The following BPTF variants were observed in gnomAD, a reference collection of about 807,000 sequenced individuals.
BPTF encodes nucleosome-remodeling factor subunit BPTF.
A neutral mutation model predicts 292.5 loss-of-function variants in BPTF; 18 were observed. The observed-to-expected ratio is 0.06, with a 90% confidence interval of 0.04 to 0.09. The LOEUF (loss-of-function observed/expected upper bound fraction) is 0.09. BPTF is among the 10% of genes least tolerant of loss of function. The probability of loss-of-function intolerance (pLI) is 1.00; values close to 1 mark genes in which losing one functional copy is unlikely to be tolerated. For synonymous variants in BPTF, 1,225 were observed against 1,251.9 expected (o/e 0.98, Z 0.45); for missense variants, 2,726 against 3,498.7 (o/e 0.78, Z 5.57).
At chr17:67,875,054 C>T in intron 4 of BPTF, 34 bp downstream of exon 4, 1 of 1,544,668 alleles carries the variant, frequency 6.5e-7, no homozygotes, top group Non-Finnish European at 8.9e-7. Flanking sequence ...AGAAATATTT[C>T]ATTAGTGTTA....
intron 2 of BPTF, among the ~76,000 whole-genome samples, chr17:67,864,679 A>C (rs1459826420): frequency 5.9e-5 from 9 of 152,212 alleles, no homozygotes; most frequent in Non-Finnish European, 1.0e-4. Context: ...TTCAAGAAGA[A>C]AAATGTTAGG....
At chr17:67,900,144 G>A (rs1030651156) in intron 7 of BPTF, among the ~76,000 whole-genome samples, 6 of 151,974 alleles carry the variant, frequency 3.9e-5, no homozygotes, top group African/African-American at 9.7e-5. Flanking sequence ...TTGCTGTGTC[G>A]CCCAGGCTAG....
At chr17:67,956,411 A>C (rs1485369503) in intron 23 of BPTF, 3 of 150,706 alleles carry the variant, frequency 2.0e-5, no homozygotes, top group Non-Finnish European at 4.4e-5. Context: ...TTGACCTCCC[A>C]GGCTTAAGGG....
intron 2 of BPTF, among the ~76,000 whole-genome samples, chr17:67,863,513 T>C (rs2059208462): frequency 2.0e-5 from 3 of 152,194 alleles, no homozygotes; most frequent in Admixed American, 2.0e-4. Context: ...CTCCATCTCC[T>C]GACCTTGTGA....
rs191427126 is a variant in BPTF, at chr17:67,914,920, G to A, written c.5303+1733G>A. Among the ~76,000 whole-genome samples, 6 of 152,168 alleles carry A rather than the reference G, an allele frequency of 3.9e-5. No homozygotes were observed. In the East Asian group the frequency reaches 9.7e-4, roughly 24 times the overall value. On this transcript the variant is annotated intron_variant, in intron 11 of 27. Coordinates refer to ENST00000306378, the MANE Select transcript of BPTF (RefSeq NM_182641.4). ...CAAATGTATGCTAACGTCTTAATTT[G>A]CCAAAACATATTTGAGAGAAGCATA...
intron 7 of BPTF, among the ~76,000 whole-genome samples, chr17:67,895,292 C>G (rs896316519): frequency 2.2e-5 from 3 of 138,440 alleles, no homozygotes; most frequent in African/African-American, 8.3e-5. Flanking sequence ...GAGATTGCAC[C>G]ACTGCACTCC....
intron 18 of BPTF, among the ~76,000 whole-genome samples, chr17:67,938,942 A>G (rs1278424442): frequency 6.6e-6 from 1 of 152,212 alleles, no homozygotes; most frequent in Non-Finnish European, 1.5e-5. Context: ...AATTGAGGAA[A>G]TTTAGCACTG....
At chr17:67,976,714 A>AAAAAAAAAAAAAAAAAAG (rs1555694156) in intron 27 of BPTF, among the ~76,000 whole-genome samples, 1 of 116,588 alleles carries the variant, frequency 8.6e-6, no homozygotes, top group Non-Finnish European at 1.7e-5. Context: ...AAAAAAAAAA[A>AAAAAAAAAAAAAAAAAAG]ATAAGAATAA....
intron 5 of BPTF, 47 bp from the exon 6 acceptor site, chr17:67,893,323 A>C (rs771701568): frequency 8.6e-7 from 1 of 1,168,498 alleles, no homozygotes; most frequent in Non-Finnish European, 1.3e-6. Context: ...TGAAATTCAC[A>C]TCTTTGATTG....
chr17:67,878,866 A>T lies in BPTF; in HGVS notation c.1864+3846A>T, dbSNP rs114870514. Among the ~76,000 whole-genome samples the T allele has an allele frequency of 5.8e-3, 878 of 152,250 alleles. 9 individuals carry two copies. The highest frequency in any genetic ancestry group is 0.02 in the African/African-American group (848 of 41,558). Reference sequence around the variant, plus strand: ...CAGAAGTATCTACACTGAATTTTGAATGTTAACCTAATCTCATGTTCCTGG... The same window carrying T: ...CAGAAGTATCTACACTGAATTTTGATTGTTAACCTAATCTCATGTTCCTGG... On this transcript the variant is annotated intron_variant, in intron 4 of 27. Transcript: ENST00000306378.
intron 27 of BPTF, among the ~76,000 whole-genome samples, chr17:67,980,882 G>A (rs182044971): frequency 2.6e-5 from 4 of 152,220 alleles, no homozygotes; most frequent in African/African-American, 7.2e-5. Flanking sequence ...ATTAGGCTGT[G>A]TGCAATGGTG....
intron 7 of BPTF, among the ~76,000 whole-genome samples, chr17:67,896,435 T>C (rs1029056217): frequency 6.7e-6 from 1 of 148,858 alleles, no homozygotes; most frequent in Non-Finnish European, 1.5e-5. Flanking sequence ...TTGGGTACAG[T>C]GTTTACTCTA....
Position 67,959,687 on chromosome 17 carries a change from T to C in BPTF, c.8073T>C (p.Pro2691=). Reference sequence around the variant, plus strand: ...CTCCACCTTCACCTCCCCCTCCACCTGCTGTGCAACACACAGGCCTTCTGT... The same window carrying C: ...CTCCACCTTCACCTCCCCCTCCACCCGCTGTGCAACACACAGGCCTTCTGT... ...PAPPPSPPPP[P]AVQHTGLLST... is the part of the protein sequence containing the mutation. Residue 2691 remains proline (P), a synonymous_variant, in exon 24 of 28, where the codon CCT becomes CCC. Coordinates refer to ENST00000306378, the MANE Select transcript of BPTF (RefSeq NM_182641.4). 7.4e-7 allele frequency: 1 copy of C among 1,353,496 alleles called. No individual in the cohort carries two copies. 83.8% of individuals were successfully genotyped at this position (1,353,496 alleles called of 1,614,324 possible).
chr17:67,924,434 T>C (rs1443735323), intron 14 of BPTF, 113 bp from the exon 15 acceptor site: 1 of 1,093,746 alleles, frequency 9.1e-7, no homozygotes, highest in African/African-American at 1.6e-5. Context: ...ATTTTTAAAT[T>C]GAGATAATAT....
intron 6 of BPTF, 112 bp downstream of exon 6, chr17:67,893,837 T>C: frequency 5.9e-6 from 7 of 1,179,536 alleles, no homozygotes; most frequent in Non-Finnish European, 8.4e-6. Flanking sequence ...ATGAAGTCAA[T>C]GTGGTCAGCA....
At chr17:67,888,655 C>T (rs2060904871) in intron 4 of BPTF, among the ~76,000 whole-genome samples, 2 of 149,296 alleles carry the variant, frequency 1.3e-5, no homozygotes, top group Admixed American at 1.3e-4. Context: ...CTTGATCTCA[C>T]AATCCATGAG....
At chr17:67,845,035 G>A (rs997927333) in intron 1 of BPTF, among the ~76,000 whole-genome samples, 1 of 152,152 alleles carries the variant, frequency 6.6e-6, no homozygotes, top group Non-Finnish European at 1.5e-5. Flanking sequence ...GAGCCACTGC[G>A]CCCAGCCTGA....
chr17:67,840,467 G>C (rs1437195240), intron 1 of BPTF, among the ~76,000 whole-genome samples: 1 of 151,740 alleles, frequency 6.6e-6, no homozygotes, highest in Non-Finnish European at 1.5e-5. Flanking sequence ...TCTTGTTGTT[G>C]TTGTTGCTGC....
chr17:67,882,115 G>A (rs569461731), intron 4 of BPTF, among the ~76,000 whole-genome samples: 8 of 152,190 alleles, frequency 5.3e-5, no homozygotes, highest in Admixed American at 6.5e-5. Context: ...AATTACAGGC[G>A]TGAGCTACCG....
Sources: gnomAD v4.1 joint callset for allele counts (sites outside exome capture counted in the v4.1 genomes callset) on GRCh38, gnomAD v4.1.1 for gene constraint, MANE v1.5 for transcripts, NCBI Gene and HGNC (gene_info 2026-07-23, HGNC 2026-07-21) for gene names.